Variants in CERS6 observed in about 807,000 individuals in gnomAD.
CERS6 encodes ceramide synthase 6.
CERS6 carries 26 observed loss-of-function variants against 56.8 expected under a neutral mutation model. The observed-to-expected ratio is 0.46, with a 90% confidence interval of 0.34 to 0.63. CERS6 has a LOEUF of 0.63. Among genes scored for constraint, CERS6 ranks in the 30% least tolerant of loss-of-function variants. CERS6 has a pLI of 0.01. For synonymous variants in CERS6, 164 were observed against 173.3 expected, an observed-to-expected ratio of 0.95 and a Z score of 0.42; for missense variants, 415 against 467.5, an observed-to-expected ratio of 0.89 and a Z score of 1.04.
intron 1 of CERS6, among the ~76,000 whole-genome samples, chr2:168,511,946 A>G (rs1240003109): frequency 1.4e-5 from 1 of 72,134 alleles, no homozygotes; most frequent in Non-Finnish European, 3.3e-5. Context: ...GTGTGCATGC[A>G]CGTGCACACA....
chr2:168,705,256 T>A (rs1686909556), intron 6 of CERS6, among the ~76,000 whole-genome samples: 1 of 152,150 alleles, frequency 6.6e-6, no homozygotes, highest in Non-Finnish European at 1.5e-5. Context: ...AGAAGAGCCT[T>A]TGGCACATGA....
At chr2:168,695,469 C>T (rs965857201) in intron 6 of CERS6, among the ~76,000 whole-genome samples, 4 of 152,158 alleles carry the variant, frequency 2.6e-5, no homozygotes, top group South Asian at 2.1e-4. Context: ...AAATATGTCT[C>T]GGAAATGCAG....
Position 168,769,557 on chromosome 2 carries a change from G to A in CERS6, c.1050G>A (p.Glu350=), listed in dbSNP as rs760178446. The A allele has an allele frequency of 6.2e-7, 1 of 1,612,048 alleles. No individual in the cohort carries two copies. Among genetic ancestry groups the A allele is most frequent in the Non-Finnish European group, 8.5e-7 (1 of 1,179,386 alleles). The change falls in exon 10 of 10, where the codon GAG becomes GAA. Residue 350 remains glutamate (E), a synonymous_variant. Coordinates refer to ENST00000305747, the MANE Select transcript of CERS6 (RefSeq NM_203463.3). ...ATATTGAGTCTAGCTCAGATGAGGA[G>A]GACTCAGAACCTCCGGGAAAGAATC... ...RSDIESSSDE[E]DSEPPGKNPH...
Position 168,530,756 on chromosome 2 carries a change from TC to T in CERS6, c.171-16838del, listed in dbSNP as rs565487500. 1.3e-3 allele frequency among the ~76,000 whole-genome samples: 202 copies of T among 152,332 alleles called. 1 individual carries two copies. The highest frequency in any genetic ancestry group is 6.8e-3 in the Middle Eastern group (2 of 294). On this transcript the variant is annotated intron_variant, in intron 1 of 9. Transcript: ENST00000305747. ...ACATTTCTCACATTACCTTGGACTT[TC>T]CAAGGATCCCAGCTCTTAGGTTTTG... is the stretch of plus-strand genomic sequence containing the variant.
At chr2:168,633,076 A>G (rs1362533261) in intron 4 of CERS6, among the ~76,000 whole-genome samples, 4 of 152,026 alleles carry the variant, frequency 2.6e-5, no homozygotes, top group Non-Finnish European at 5.9e-5. Context: ...AACTGTCAGT[A>G]GAGTGTTTCC....
intron 4 of CERS6, among the ~76,000 whole-genome samples, chr2:168,675,360 A>G (rs922001940): frequency 6.6e-6 from 1 of 152,054 alleles, no homozygotes; most frequent in Non-Finnish European, 1.5e-5. Context: ...CGAGGCAGTT[A>G]AATCATTTGA....
In CERS6 at chr2:168,479,860, G is replaced by A. The variant is rs117296364; in HGVS notation, c.170+23242G>A. Among the ~76,000 whole-genome samples the A allele has an allele frequency of 1.2e-3, 177 of 152,174 alleles. 4 individuals carry two copies. In the East Asian group the frequency reaches 0.031, roughly 27 times the overall value. On this transcript the variant is annotated intron_variant, in intron 1 of 9. Coordinates refer to ENST00000305747, the MANE Select transcript of CERS6 (RefSeq NM_203463.3). ...CGACCTAAGGTGATCTGCCCGCCTC[G>A]GTCTCCCAAAGTTCTGAGATTACAG...
chr2:168,465,335 A>G (rs941566778), intron 1 of CERS6, among the ~76,000 whole-genome samples: 7 of 152,128 alleles, frequency 4.6e-5, no homozygotes, highest in Non-Finnish European at 7.4e-5. Flanking sequence ...CACAGATGGC[A>G]CTTTCTTACT....
intron 4 of CERS6, among the ~76,000 whole-genome samples, chr2:168,651,512 G>A (rs1369085629): frequency 2.0e-5 from 3 of 152,308 alleles, no homozygotes; most frequent in East Asian, 3.9e-4. Flanking sequence ...AAGAAAAGAG[G>A]TTTAATTGAC....
chr2:168,553,897 A>T (rs1010650505), intron 2 of CERS6, among the ~76,000 whole-genome samples: 1 of 152,192 alleles, frequency 6.6e-6, no homozygotes, highest in Non-Finnish European at 1.5e-5. Context: ...TGATTGCATG[A>T]TCTCTAAGAG....
At position 168,657,625 on chromosome 2, in the gene CERS6, G is replaced by A. The variant is rs1025672052; in HGVS notation, c.465+26583G>A. On this transcript the variant is annotated intron_variant, in intron 4 of 9. Coordinates refer to ENST00000305747, the MANE Select transcript of CERS6 (RefSeq NM_203463.3). ...GGCCCGGCGAGAAATCAAGTGCAGC[G>A]CCTGTGGACCGGCACTGCTGGGGGA... Among the ~76,000 whole-genome samples, 8 of 152,348 alleles carry A rather than the reference G, an allele frequency of 5.3e-5. No homozygotes were observed. The South Asian group carries it at 1.2e-3, about 24-fold the overall frequency.
chr2:168,766,174 T>G, intron 9 of CERS6: 1 of 699,408 alleles, frequency 1.4e-6, no homozygotes, highest in Non-Finnish European at 2.5e-6. Context: ...TAGTTAAATC[T>G]TTTTGGTTAA....
chr2:168,683,987 C>T (rs994040683), intron 4 of CERS6, among the ~76,000 whole-genome samples: 2 of 152,162 alleles, frequency 1.3e-5, no homozygotes, highest in African/African-American at 2.4e-5. Context: ...ATAGAACCCT[C>T]TTGGAAATCC....
chr2:168,647,403 A>G (rs1345011291), intron 4 of CERS6, among the ~76,000 whole-genome samples: 1 of 152,154 alleles, frequency 6.6e-6, no homozygotes. Flanking sequence ...TATCAGCTGA[A>G]AGAGCTTTTG....
chr2:168,591,845 G>A (rs1042720188), intron 3 of CERS6, among the ~76,000 whole-genome samples: 1 of 152,228 alleles, frequency 6.6e-6, no homozygotes, highest in African/African-American at 2.4e-5. Flanking sequence ...AGATTTTAGA[G>A]AAGGGGACTG....
chr2:168,592,037 A>C (rs1683683673), intron 3 of CERS6, among the ~76,000 whole-genome samples: 1 of 152,182 alleles, frequency 6.6e-6, no homozygotes, highest in African/African-American at 2.4e-5. Context: ...ACTGAGTGTC[A>C]AAGAATTGCA....
intron 2 of CERS6, among the ~76,000 whole-genome samples, chr2:168,553,910 G>T (rs966334269): frequency 6.6e-6 from 1 of 152,144 alleles, no homozygotes; most frequent in Non-Finnish European, 1.5e-5. Flanking sequence ...TCTAAGAGGG[G>T]AGTCAAAGCA....
intron 2 of CERS6, among the ~76,000 whole-genome samples, chr2:168,556,646 T>G (rs976546454): frequency 6.6e-6 from 1 of 152,186 alleles, no homozygotes; most frequent in Non-Finnish European, 1.5e-5. Flanking sequence ...GAAGTATTTA[T>G]TGAGTCTTGC....
In CERS6 at chr2:168,770,001, A is replaced by C; in HGVS notation, c.*339A>C. The stretch of plus-strand genomic sequence containing the variant: ...CACTGGGCTCATGACAGTGAAGGAG[A>C]TGCTCCATCTGCTTCTCCCCCTTTC... On this transcript the variant is annotated 3_prime_UTR_variant, in exon 10 of 10. Transcript: ENST00000305747. The C allele has an allele frequency of 3.8e-6, 1 of 263,262 alleles. No homozygotes were observed. The highest frequency in any genetic ancestry group is 4.0e-5 in the South Asian group (1 of 24,866). The allele number at this position is 263,262 out of a possible 1,614,324, so 16.3% of individuals were successfully genotyped here.
Sources: gnomAD v4.1 joint callset for allele counts (sites outside exome capture counted in the v4.1 genomes callset) on GRCh38, gnomAD v4.1.1 for gene constraint, MANE v1.5 for transcripts, NCBI Gene and HGNC (gene_info 2026-07-23, HGNC 2026-07-21) for gene names.